Variants in TET3 observed in about 807,000 individuals in gnomAD.
TET3 encodes tet methylcytosine dioxygenase 3.
Under a neutral mutation model 141.4 loss-of-function variants are expected in TET3, and 19 were observed. The observed-to-expected ratio is 0.13, with a 90% CI of 0.09 to 0.20. TET3 has a LOEUF of 0.20. Among genes scored for constraint, TET3 ranks in the 10% least tolerant of loss-of-function variants. The pLI is 1.00. For synonymous variants in TET3, 1,043 were observed against 980.9 expected, an observed-to-expected ratio of 1.06 and a Z score of -1.18; for missense variants, 1,874 against 2,356.9, an observed-to-expected ratio of 0.80 and a Z score of 4.24.
chr2:74,134,609 C>T, the TET3 span: 1 of 440,816 alleles, frequency 2.3e-6, no homozygotes, highest in Non-Finnish European at 4.6e-6. Context: ...CAACCTCCCA[C>T]TGCCATGGTA....
At chr2:74,072,688 T>C (rs1689280105) in intron 4 of TET3, among the ~76,000 whole-genome samples, 1 of 152,182 alleles carries the variant, frequency 6.6e-6, no homozygotes. Flanking sequence ...GACACCACTG[T>C]CTGTTTCCAA....
chr2:74,021,749 G>A (rs1433075346), intron 3 of TET3, among the ~76,000 whole-genome samples: 2 of 152,200 alleles, frequency 1.3e-5, no homozygotes, highest in Non-Finnish European at 2.9e-5. Flanking sequence ...GCCCAATGGA[G>A]TTTGAGAACT....
intron 4 of TET3, among the ~76,000 whole-genome samples, chr2:74,066,974 G>C (rs2103885247): frequency 6.6e-6 from 1 of 152,290 alleles, no homozygotes; most frequent in East Asian, 1.9e-4. Context: ...AACTGGAACA[G>C]AGCCCAGAAG....
chr2:74,061,380 C>T (rs556587579), intron 4 of TET3, among the ~76,000 whole-genome samples: 1 of 142,368 alleles, frequency 7.0e-6, no homozygotes, highest in South Asian at 2.2e-4. Context: ...CTGACCCCCC[C>T]ACCTCCCTCC....
At chr2:74,058,479 C>T (rs541979266) in intron 4 of TET3, among the ~76,000 whole-genome samples, 3 of 150,204 alleles carry the variant, frequency 2.0e-5, no homozygotes, top group African/African-American at 4.9e-5. Context: ...ATAACAATGC[C>T]GATTAACTTA....
chr2:74,072,318 G>C (rs761138376), intron 4 of TET3, among the ~76,000 whole-genome samples: 15 of 152,142 alleles, frequency 9.9e-5, no homozygotes, highest in Non-Finnish European at 2.1e-4. Flanking sequence ...TTCGAGACCA[G>C]CCTGGTCAAC....
intron 2 of TET3, among the ~76,000 whole-genome samples, chr2:73,991,643 A>G (rs1255466660): frequency 6.6e-6 from 1 of 151,794 alleles, no homozygotes; most frequent in East Asian, 1.9e-4. Context: ...CTCCCAAGGG[A>G]TTCTGATTTA....
At chr2:74,095,441 T>G (rs1197063817) in intron 10 of TET3, among the ~76,000 whole-genome samples, 1 of 152,152 alleles carries the variant, frequency 6.6e-6, no homozygotes. Flanking sequence ...AAAAAAGGAG[T>G]ATTTTCTTCC....
the TET3 span, among the ~76,000 whole-genome samples, chr2:74,124,032 C>A: frequency 1.2e-3 from 180 of 151,324 alleles, no homozygotes; most frequent in African/African-American, 4.1e-3. Flanking sequence ...GCAGCCACCC[C>A]GTCTGGGAAG....
Position 74,003,165 on chromosome 2 carries a change from A to C in TET3, c.359A>C (p.Lys120Thr). Residue 120 changes from lysine (K) to threonine (T), a missense_variant and splice_region_variant, in exon 3 of 12, where the codon AAG (lysine) becomes ACG (threonine). Lys to Thr is a moderately conservative substitution (Grantham distance 78). Transcript: ENST00000409262. Reference sequence around the variant, plus strand: ...CCGTGGGGACAAGGAGCGGCTGTCAAGGTACCTTGTGTGTGTGCGTGCGTG... The same window carrying C: ...CCGTGGGGACAAGGAGCGGCTGTCACGGTACCTTGTGTGTGTGCGTGCGTG... ...AGPWGQGAAV[K>T]TGSELSPVDG... The C allele has an allele frequency of 6.5e-7, 1 of 1,549,322 alleles. No homozygotes were observed.
chr2:74,028,111 G>A (rs1393944774), intron 3 of TET3, among the ~76,000 whole-genome samples: 1 of 151,674 alleles, frequency 6.6e-6, no homozygotes, highest in Non-Finnish European at 1.5e-5. Flanking sequence ...AGCCTCCCAA[G>A]TAGCTAGGAC....
intron 5 of TET3, among the ~76,000 whole-genome samples, chr2:74,077,124 C>A (rs1689555734): frequency 6.6e-6 from 1 of 152,204 alleles, no homozygotes; most frequent in Non-Finnish European, 1.5e-5. Flanking sequence ...GAACAAAGAA[C>A]CAACACTGCA....
chr2:74,008,089 G>A (rs1685233012), intron 3 of TET3, among the ~76,000 whole-genome samples: 1 of 152,150 alleles, frequency 6.6e-6, no homozygotes, highest in Non-Finnish European at 1.5e-5. Flanking sequence ...GAATAGCACT[G>A]CTTTTGAACT....
chr2:74,135,413 G>A, the TET3 span: 5 of 1,050,646 alleles, frequency 4.8e-6, no homozygotes, highest in South Asian at 1.4e-5. Context: ...CCCTTCAAAA[G>A]CTTCAGTTGT....
At chr2:74,062,774 G>T (rs535022575) in intron 4 of TET3, among the ~76,000 whole-genome samples, 20 of 151,720 alleles carry the variant, frequency 1.3e-4, no homozygotes, top group Non-Finnish European at 2.2e-4. Context: ...ATTTAAGATT[G>T]AATAGCATTA....
intron 3 of TET3, among the ~76,000 whole-genome samples, chr2:74,045,966 T>G (rs1687597603): frequency 6.6e-6 from 1 of 152,224 alleles, no homozygotes. Context: ...TTTTTGTGTG[T>G]CTCTGGTTTT....
chr2:74,085,933 T>C (rs1422926335), intron 6 of TET3, among the ~76,000 whole-genome samples: 1 of 152,244 alleles, frequency 6.6e-6, no homozygotes, highest in Admixed American at 6.5e-5. Flanking sequence ...GAATCCATTC[T>C]TCTCCTGTTT....
chr2:74,012,866 GT>G (rs975826929), intron 3 of TET3, among the ~76,000 whole-genome samples: 2 of 151,382 alleles, frequency 1.3e-5, no homozygotes, highest in Non-Finnish European at 2.9e-5. Flanking sequence ...TTATTAAGAA[GT>G]TTTTTTTTCC....
At chr2:73,990,371 C>T (rs1684261311) in intron 2 of TET3, among the ~76,000 whole-genome samples, 3 of 152,130 alleles carry the variant, frequency 2.0e-5, no homozygotes, top group Non-Finnish European at 4.4e-5. Flanking sequence ...ACAAATTAAG[C>T]GTTTATCTCA....
Sources: allele counts gnomAD v4.1 joint callset (sites outside exome capture counted in the v4.1 genomes callset), GRCh38; gene constraint gnomAD v4.1.1; transcripts MANE v1.5; gene names NCBI Gene and HGNC (gene_info 2026-07-23, HGNC 2026-07-21).